Variants in HTT observed in about 807,000 individuals in gnomAD.
HTT encodes huntingtin.
In HTT, 104 loss-of-function variants were observed where a neutral mutation model predicts 362.3. The ratio of observed to expected loss-of-function variants is 0.29; its 90% confidence interval spans 0.24 to 0.34. HTT has a LOEUF of 0.34. Ranked by LOEUF, HTT falls within the 10% of genes least tolerant of loss-of-function variation. HTT has a pLI of 1.00. For missense variants in HTT, 3,301 were observed against 3,928.6 expected (o/e 0.84, Z 4.27); for synonymous variants, 1,577 against 1,548.7 (o/e 1.02, Z -0.43).
At chr4:3,144,924 A>T (rs1224517244) in intron 23 of HTT, among the ~76,000 whole-genome samples, 1 of 152,164 alleles carries the variant, frequency 6.6e-6, no homozygotes, top group Admixed American at 6.5e-5. Flanking sequence ...GGGTGTGGGC[A>T]GCACAGGAAC....
At position 3,235,365 on chromosome 4, in the gene HTT, C is replaced by T. The variant is rs759383537; in HGVS notation, c.8538C>T (p.Asp2846=). The T allele has an allele frequency of 7.4e-6, 12 of 1,613,186 alleles. No homozygotes were observed. The highest frequency in any genetic ancestry group is 4.0e-5 in the African/African-American group (3 of 74,912). ...AFYLIENYPL[D]VGPEFSASII... is the part of the protein sequence containing the mutation. Reference sequence around the variant, plus strand: ...ACCTCATTGAGAACTATCCTCTGGACGTAGGGCCGGAATTTTCAGCATCAA... The same window carrying T: ...ACCTCATTGAGAACTATCCTCTGGATGTAGGGCCGGAATTTTCAGCATCAA... Residue 2846 remains aspartate (D), a synonymous_variant, in exon 62 of 67, where the codon GAC becomes GAT. Transcript: ENST00000355072.
In HTT at chr4:3,155,877, G is replaced by A. The variant is rs540368301; in HGVS notation, c.3626-1195G>A. Among the ~76,000 whole-genome samples the A allele has an allele frequency of 1.6e-3, 236 of 147,956 alleles. 2 individuals carry two copies. Among genetic ancestry groups the A allele is most frequent in the African/African-American group, 5.3e-3 (213 of 39,968 alleles). On this transcript the variant is annotated intron_variant, in intron 27 of 66. Transcript: ENST00000355072. ...CATGCCACTGCACTCTAGCCTGGGCGATAGAGCGAGACTCCGTCTCAAAAA... is the reference window on the plus strand; with the variant it reads ...CATGCCACTGCACTCTAGCCTGGGCAATAGAGCGAGACTCCGTCTCAAAAA...
rs114705279 is a variant in HTT, at chr4:3,226,573, G to A, written c.7848+830G>A. Among the ~76,000 whole-genome samples, 1,383 of 152,334 alleles carry A rather than the reference G, an allele frequency of 9.1e-3. 24 individuals carry two copies. Among genetic ancestry groups the A allele is most frequent in the African/African-American group, 0.032 (1,322 of 41,576 alleles). On this transcript the variant is annotated intron_variant, in intron 57 of 66. Coordinates refer to ENST00000355072, the MANE Select transcript of HTT (RefSeq NM_001388492.1). ...TGGGCGGGGCCCGGCTGTGCTGGCCGACTTGCACCTTTCCCTCCACCCCGG... is the reference window on the plus strand; with the variant it reads ...TGGGCGGGGCCCGGCTGTGCTGGCCAACTTGCACCTTTCCCTCCACCCCGG...
chr4:3,148,230 G>T, intron 26 of HTT, 23 bp downstream of exon 26: 1 of 1,498,642 alleles, frequency 6.7e-7, no homozygotes, highest in Non-Finnish European at 9.1e-7. Context: ...TTGGGTGCTG[G>T]ATTCATACAG....
chr4:3,139,488 G>A (rs1263822665), intron 21 of HTT, among the ~76,000 whole-genome samples: 1 of 152,082 alleles, frequency 6.6e-6, no homozygotes, highest in African/African-American at 2.4e-5. Flanking sequence ...GTGAGCCACC[G>A]TACCCAGCCA....
At chr4:3,145,046 C>G in intron 23 of HTT, 106 bp from the exon 24 acceptor site, 1 of 866,946 alleles carries the variant, frequency 1.2e-6, no homozygotes, top group East Asian at 2.4e-5. Flanking sequence ...ACACAGATCT[C>G]AGTTTTCTTC....
At chr4:3,097,776 G>C (rs1578495576) in intron 2 of HTT, among the ~76,000 whole-genome samples, 1 of 152,146 alleles carries the variant, frequency 6.6e-6, no homozygotes, top group Non-Finnish European at 1.5e-5. Flanking sequence ...ATATAGATAA[G>C]CTGATTAGCC....
intron 28 of HTT, among the ~76,000 whole-genome samples, chr4:3,159,401 A>G (rs947260209): frequency 6.6e-6 from 1 of 152,076 alleles, no homozygotes; most frequent in Non-Finnish European, 1.5e-5. Context: ...ATTGCTGTGC[A>G]TATTGGAGGA....
intron 1 of HTT, among the ~76,000 whole-genome samples, chr4:3,078,827 C>G (rs562175521): frequency 1.3e-5 from 2 of 151,984 alleles, no homozygotes; most frequent in Non-Finnish European, 2.9e-5. Flanking sequence ...CTCCGCTTCC[C>G]GAGTTCACGC....
intron 51 of HTT, 65 bp from the exon 52 acceptor site, chr4:3,217,700 C>G (rs899889485): frequency 1.4e-5 from 19 of 1,386,776 alleles, no homozygotes; most frequent in African/African-American, 4.3e-5. Context: ...GTAGGTCATG[C>G]TTTCTACACT....
At position 3,122,901 on chromosome 4, in the gene HTT, C is replaced by A; in HGVS notation, c.1286C>A (p.Ser429Tyr). ...SIVELIAGGG[S>Y]SCSPVLSRKQ... ...CTGTGATTTGCAGCTGGAGGGGGTT[C>A]CTCATGCAGCCCTGTCCTTTCAAGA... The change falls in exon 10 of 67, where the codon TCC (serine) becomes TAC (tyrosine). Residue 429 changes from serine (S) to tyrosine (Y), a missense_variant. Transcript: ENST00000355072. The A allele has an allele frequency of 1.2e-6, 2 of 1,611,162 alleles. No homozygotes were observed. Among genetic ancestry groups the A allele is most frequent in the Non-Finnish European group, 1.7e-6 (2 of 1,178,304 alleles).
At chr4:3,084,631 A>C (rs1444598806) in intron 1 of HTT, among the ~76,000 whole-genome samples, 3 of 151,512 alleles carry the variant, frequency 2.0e-5, no homozygotes, top group Non-Finnish European at 4.4e-5. Flanking sequence ...CAGAGGTTGC[A>C]GTGAGCTGAG....
At chr4:3,238,256 TC>T (rs1340060155) in intron 64 of HTT, among the ~76,000 whole-genome samples, 190 bp from the exon 65 acceptor site, 1 of 152,208 alleles carries the variant, frequency 6.6e-6, no homozygotes, top group Non-Finnish European at 1.5e-5. Context: ...GCCTTTTTAG[TC>T]TCAAAATTCG....
intron 65 of HTT, 82 bp from the exon 66 acceptor site, chr4:3,238,736 A>G (rs1461239001): frequency 3.2e-5 from 19 of 590,620 alleles, no homozygotes; most frequent in Non-Finnish European, 4.9e-5. Context: ...TCTGGCCCCC[A>G]CCCCACCCCC....
At chr4:3,155,128 C>T (rs995223282) in intron 27 of HTT, among the ~76,000 whole-genome samples, 1 of 152,016 alleles carries the variant, frequency 6.6e-6, no homozygotes, top group Non-Finnish European at 1.5e-5. Context: ...CCCATTCTCA[C>T]GCTGTCTCTT....
intron 40 of HTT, among the ~76,000 whole-genome samples, chr4:3,194,493 G>T (rs1719157419): frequency 1.3e-5 from 2 of 152,240 alleles, no homozygotes; most frequent in Admixed American, 6.5e-5. Context: ...TGTCCATGTG[G>T]CTGAATTAGA....
At chr4:3,237,830 C>T (rs546998933) in intron 64 of HTT, among the ~76,000 whole-genome samples, 5 of 152,072 alleles carry the variant, frequency 3.3e-5, no homozygotes, top group South Asian at 2.1e-4. Context: ...GCTCAGGGGG[C>T]GTGTTTCAGG....
chr4:3,173,216 A>G (rs1718074595), intron 31 of HTT, 85 bp downstream of exon 31: 1 of 1,044,202 alleles, frequency 9.6e-7, no homozygotes, highest in Admixed American at 1.8e-5. Context: ...AAAAACGAAA[A>G]ATGTTAGCGA....
At chr4:3,239,715 C>T in intron 66 of HTT, 131 bp from the exon 67 acceptor site, 1 of 699,074 alleles carries the variant, frequency 1.4e-6, no homozygotes, top group Non-Finnish European at 2.4e-6. Context: ...GGTGGCCCTT[C>T]CGGGGCTCTG....
Sources: gnomAD v4.1 joint callset for allele counts (sites outside exome capture counted in the v4.1 genomes callset) on GRCh38, gnomAD v4.1.1 for gene constraint, MANE v1.5 for transcripts, NCBI Gene and HGNC (gene_info 2026-07-23, HGNC 2026-07-21) for gene names.